PTPRR: variants seen among roughly 807,000 people sequenced by gnomAD.
The protein encoded by PTPRR is protein tyrosine phosphatase receptor type R.
Under a neutral mutation model 77.2 loss-of-function variants are expected in PTPRR, and 38 were observed. That is an observed-to-expected ratio of 0.49 (90% confidence interval 0.38 to 0.65). PTPRR has a LOEUF of 0.65. PTPRR is among the 30% of genes least tolerant of loss of function. The pLI is 0.00. For synonymous variants in PTPRR, 299 were observed against 283.1 expected, an observed-to-expected ratio of 1.06 and a Z score of -0.57; for missense variants, 744 against 799.2, an observed-to-expected ratio of 0.93 and a Z score of 0.83.
intron 2 of PTPRR, 21 bp from the exon 3 acceptor site, chr12:70,764,799 T>G: frequency 6.5e-7 from 1 of 1,533,818 alleles, no homozygotes; most frequent in South Asian, 1.1e-5. Context: ...AGGACAAAAA[T>G]AAATCCAAAT....
intron 2 of PTPRR, among the ~76,000 whole-genome samples, chr12:70,796,716 T>TC (rs1891521616): frequency 1.3e-5 from 2 of 149,864 alleles, no homozygotes; most frequent in African/African-American, 4.9e-5. Flanking sequence ...TAAAAAAAAA[T>TC]CCGGTGTGAT....
chr12:70,679,519 GTCTATT>G (rs1887577308), intron 10 of PTPRR, among the ~76,000 whole-genome samples: 1 of 152,108 alleles, frequency 6.6e-6, no homozygotes, highest in Non-Finnish European at 1.5e-5. Flanking sequence ...CTATATAGCA[GTCTATT>G]TCTTTCTTTA....
intron 8 of PTPRR, among the ~76,000 whole-genome samples, chr12:70,691,769 G>T (rs934370374): frequency 1.3e-5 from 2 of 152,092 alleles, no homozygotes; most frequent in African/African-American, 4.8e-5. Context: ...AAAATACGCT[G>T]GGGTCTGTCT....
chr12:70,867,951 T>C (rs1267294050), intron 2 of PTPRR, among the ~76,000 whole-genome samples: 1 of 152,144 alleles, frequency 6.6e-6, no homozygotes, highest in Non-Finnish European at 1.5e-5. Flanking sequence ...ATTCCCTATT[T>C]AACAAATGGT....
Position 70,813,665 on chromosome 12 carries a change from G to A in PTPRR, c.358-48887C>T, listed in dbSNP as rs76112723. 9.9e-3 allele frequency among the ~76,000 whole-genome samples: 1,509 copies of A among 152,284 alleles called. 25 individuals are homozygous for A. Among genetic ancestry groups the A allele is most frequent in the African/African-American group, 0.034 (1,414 of 41,554 alleles). The stretch of plus-strand genomic sequence containing the variant: ...AGCACAGGACAGTGATCCTTGAGAG[G>A]AGGAAATAGTGGGATGAGCGTCACC... On this transcript the variant is annotated intron_variant, in intron 2 of 13. Coordinates refer to ENST00000283228, the MANE Select transcript of PTPRR (RefSeq NM_002849.4).
rs760305202 is a variant in PTPRR at position 70,745,858 on chromosome 12, G to A, written c.967C>T (p.Pro323Ser). The change falls in exon 6 of 14, where the codon CCT (proline) becomes TCT (serine). Residue 323 changes from proline to serine, a missense_variant. Transcript: ENST00000283228. ...IKATTATSVC[P>S]SPFKMKPIGL... ...ATGGGCTTCATTTTGAAAGGAGAAG[G>A]GCAAACAGAGGTAGCGGTGGTAGCT... The A allele has an allele frequency of 6.2e-7, 1 of 1,614,072 alleles. No individual in the cohort carries two copies. The highest frequency in any genetic ancestry group is 8.5e-7 in the Non-Finnish European group (1 of 1,180,004).
chr12:70,670,539 T>C (rs557388531), intron 10 of PTPRR, among the ~76,000 whole-genome samples: 26 of 152,364 alleles, frequency 1.7e-4, no homozygotes, highest in African/African-American at 6.0e-4. Context: ...TTAGCACATA[T>C]GATCAATAAA....
chr12:70,787,703 C>A (rs1048876343), intron 2 of PTPRR, among the ~76,000 whole-genome samples: 1 of 152,136 alleles, frequency 6.6e-6, no homozygotes, highest in Non-Finnish European at 1.5e-5. Context: ...AAAATAACAT[C>A]AAATCTGGCA....
chr12:70,768,709 AAG>A (rs1229534178), intron 2 of PTPRR, among the ~76,000 whole-genome samples: 1 of 152,202 alleles, frequency 6.6e-6, no homozygotes, highest in East Asian at 1.9e-4. Context: ...ACAACAAAAA[AAG>A]AGAATTTTAG....
At chr12:70,857,774 CAGG>C (rs751141441) in intron 2 of PTPRR, among the ~76,000 whole-genome samples, 2 of 152,060 alleles carry the variant, frequency 1.3e-5, no homozygotes, top group Non-Finnish European at 2.9e-5. Context: ...CCTAGGGAGA[CAGG>C]AGAAGAATAT....
chr12:70,878,095 T>A (rs1893083427), intron 2 of PTPRR, among the ~76,000 whole-genome samples: 1 of 152,042 alleles, frequency 6.6e-6, no homozygotes, highest in Non-Finnish European at 1.5e-5. Flanking sequence ...ATACAAAAAT[T>A]AATTCAAGAT....
At chr12:70,861,110 C>T (rs1408310723) in intron 2 of PTPRR, among the ~76,000 whole-genome samples, 4 of 151,984 alleles carry the variant, frequency 2.6e-5, no homozygotes, top group African/African-American at 7.3e-5. Context: ...GTTGAATAAA[C>T]GAAGAACTCC....
intron 13 of PTPRR, among the ~76,000 whole-genome samples, chr12:70,641,091 T>C (rs987286853): frequency 2.0e-5 from 3 of 152,194 alleles, no homozygotes; most frequent in Non-Finnish European, 2.9e-5. Context: ...TGTGATGACA[T>C]CTGGGCTCAT....
chr12:70,762,923 T>C (rs1358260911), intron 3 of PTPRR, among the ~76,000 whole-genome samples: 12 of 152,196 alleles, frequency 7.9e-5, no homozygotes, highest in Non-Finnish European at 1.5e-5. Flanking sequence ...GATAAGCATA[T>C]TCCTTCCTCA....
chr12:70,909,308 C>T (rs1040437565), intron 1 of PTPRR, among the ~76,000 whole-genome samples: 2 of 152,148 alleles, frequency 1.3e-5, no homozygotes, highest in Non-Finnish European at 2.9e-5. Flanking sequence ...TACCCTCCCC[C>T]ACCACACACA....
chr12:70,884,768 A>T (rs113416093), intron 2 of PTPRR, among the ~76,000 whole-genome samples: 160 of 145,804 alleles, frequency 1.1e-3, no homozygotes, highest in Non-Finnish European at 2.2e-3. Flanking sequence ...GCTACTCCGG[A>T]GGCTGAGGCC....
At chr12:70,664,171 T>C (rs574067145) in intron 10 of PTPRR, among the ~76,000 whole-genome samples, 36 of 152,218 alleles carry the variant, frequency 2.4e-4, no homozygotes, top group Non-Finnish European at 4.7e-4. Flanking sequence ...ACATGCCACC[T>C]GAGACTCTCA....
At chr12:70,740,118 G>A (rs1045387482) in intron 6 of PTPRR, among the ~76,000 whole-genome samples, 6 of 152,176 alleles carry the variant, frequency 3.9e-5, no homozygotes, top group African/African-American at 1.2e-4. Context: ...ATTGAAGGGG[G>A]AAAGAGAATT....
Position 70,862,323 on chromosome 12 carries a change from T to C in PTPRR, c.357+30356A>G, listed in dbSNP as rs142426394. 3.3e-3 allele frequency among the ~76,000 whole-genome samples: 509 copies of C among 152,036 alleles called. 8 individuals are homozygous for C. Among genetic ancestry groups the C allele is most frequent in the African/African-American group, 0.012 (479 of 41,458 alleles). ...TTCTACAGAGTTGTAGTATAATTAG[T>C]GTAGTTAAGTGGTCAACGATTGCTA... On this transcript the variant is annotated intron_variant, in intron 2 of 13. Transcript: ENST00000283228.
Sources: gnomAD v4.1 joint callset for allele counts (sites outside exome capture counted in the v4.1 genomes callset) on GRCh38, gnomAD v4.1.1 for gene constraint, MANE v1.5 for transcripts, NCBI Gene and HGNC (gene_info 2026-07-23, HGNC 2026-07-21) for gene names.